The following ATAD3B variants were observed in gnomAD, a reference collection of about 807,000 sequenced individuals.
The protein encoded by ATAD3B is ATPase family AAA domain-containing protein 3B.
Under a neutral mutation model 70.2 loss-of-function variants are expected in ATAD3B, and 59 were observed. The observed-to-expected ratio is 0.84, with a 90% CI of 0.68 to 1.04. The LOEUF is 1.04. ATAD3B is among the 50% of genes least tolerant of loss of function. The pLI, the probability that ATAD3B is intolerant of heterozygous loss-of-function variation, is 0.00. For missense variants in ATAD3B, 961 were observed against 913.4 expected (o/e 1.05, Z -0.67); for synonymous variants, 423 against 388.6 (o/e 1.09, Z -1.04).
At chr1:1,476,946 A>G (rs1639624118) in intron 1 of ATAD3B, among the ~76,000 whole-genome samples, 1 of 151,998 alleles carries the variant, frequency 6.6e-6, no homozygotes, top group South Asian at 2.1e-4. Context: ...AGCTGAGATC[A>G]CAGGCGTGCA....
At chr1:1,490,113 G>C (rs549105780) in intron 13 of ATAD3B, 144 bp from the exon 14 acceptor site, 1 of 1,441,820 alleles carries the variant, frequency 6.9e-7, no homozygotes, top group South Asian at 1.5e-5. Context: ...CTGTGGCTGC[G>C]TTCTCCCCAT....
intron 1 of ATAD3B, among the ~76,000 whole-genome samples, chr1:1,477,008 T>C (rs535354940): frequency 6.6e-6 from 1 of 152,074 alleles, no homozygotes; most frequent in South Asian, 2.1e-4. Flanking sequence ...GATTTCGCCA[T>C]GTTGGCCAGG....
chr1:1,485,273 C>G, intron 8 of ATAD3B, 102 bp downstream of exon 8: 1 of 1,517,682 alleles, frequency 6.6e-7, no homozygotes, highest in Non-Finnish European at 8.9e-7. Context: ...TTCCCTTTCC[C>G]CGGATAACAG....
At chr1:1,481,906 C>T (rs1382937743) in intron 5 of ATAD3B, among the ~76,000 whole-genome samples, 10 of 151,450 alleles carry the variant, frequency 6.6e-5, no homozygotes, top group Admixed American at 1.3e-4. Flanking sequence ...CTGTTGGTGG[C>T]GTGGGCCGGT....
chr1:1,480,950 T>C lies in ATAD3B; in HGVS notation c.514+14T>C, dbSNP rs1293902650. On this transcript the variant is annotated intron_variant, in intron 5 of 15. Coordinates refer to ENST00000673477, the MANE Select transcript of ATAD3B (RefSeq NM_031921.6). ...CCATGCGGCGAGGTAGGCTGTCTGCTCTCCTGGCTGGGGCGGAGGTGGCGG... is the reference window on the plus strand; with the variant it reads ...CCATGCGGCGAGGTAGGCTGTCTGCCCTCCTGGCTGGGGCGGAGGTGGCGG... The C allele has an allele frequency of 3.1e-6, 5 of 1,589,352 alleles. 1 individual carries two copies. Among genetic ancestry groups the C allele is most frequent in the Non-Finnish European group, 4.3e-6 (5 of 1,171,188 alleles).
At chr1:1,486,763 C>G in intron 11 of ATAD3B, 95 bp downstream of exon 11, 1 of 1,483,480 alleles carries the variant, frequency 6.7e-7, no homozygotes, top group Non-Finnish European at 9.0e-7. Flanking sequence ...GGGACCCTGT[C>G]TTTCTGCAGC....
chr1:1,486,749 C>A lies in ATAD3B; in HGVS notation c.1214+81C>A, dbSNP rs993747880. On this transcript the variant is annotated intron_variant, in intron 11 of 15. Coordinates refer to ENST00000673477, the MANE Select transcript of ATAD3B (RefSeq NM_031921.6). ...TTCTGGGAAGGGGGTCCAGGTGTCT[C>A]TTGGGGACCCTGTCTTTCTGCAGCT... The A allele has an allele frequency of 1.7e-4, 252 of 1,482,048 alleles. 3 individuals are homozygous for A. Among genetic ancestry groups the A allele is most frequent in the Non-Finnish European group, 2.1e-4 (236 of 1,110,398 alleles). 91.8% of individuals were successfully genotyped at this position (1,482,048 alleles called of 1,614,324 possible). A position where few individuals can be genotyped will look rare whatever the true frequency, so the allele number is the denominator to read the frequency against.
At chr1:1,491,598 C>T (rs1168885283) in intron 15 of ATAD3B, among the ~76,000 whole-genome samples, 4 of 151,942 alleles carry the variant, frequency 2.6e-5, no homozygotes, top group African/African-American at 7.2e-5. Context: ...GGGTAGAAGG[C>T]GCCCTGGCCA....
rs1170798065 is a variant in ATAD3B at position 1,480,043 on chromosome 1, C to T, written c.445-824C>T. Among the ~76,000 whole-genome samples, 8 of 146,274 alleles carry T rather than the reference C, an allele frequency of 5.5e-5. 2 individuals carry two copies. Among genetic ancestry groups the T allele is most frequent in the Non-Finnish European group, 1.2e-4 (8 of 66,724 alleles). Reference sequence around the variant, plus strand: ...ACATACACAACCCAGGCACACACCCCCTTGCACAGACGGGCACGCACACAG... The same window carrying T: ...ACATACACAACCCAGGCACACACCCTCTTGCACAGACGGGCACGCACACAG... On this transcript the variant is annotated intron_variant, in intron 4 of 15. Coordinates refer to ENST00000673477, the MANE Select transcript of ATAD3B (RefSeq NM_031921.6).
intron 4 of ATAD3B, among the ~76,000 whole-genome samples, chr1:1,479,466 A>G (rs1485162253): frequency 7.2e-6 from 1 of 139,778 alleles, no homozygotes; most frequent in African/African-American, 2.7e-5. Context: ...GGGCCCACAC[A>G]CACACACCCC....
At chr1:1,490,193 CCGTTGCCCT>C in intron 13 of ATAD3B, 55 bp from the exon 14 acceptor site, 1 of 1,580,510 alleles carries the variant, frequency 6.3e-7, no homozygotes, top group South Asian at 1.2e-5. Flanking sequence ...TGAGGAGCCC[CCGTTGCCCT>C]CGGGGCATCT....
chr1:1,500,724 C>T (rs1336006549), downstream of ATAD3B, among the ~76,000 whole-genome samples: 11 of 151,384 alleles, frequency 7.3e-5, no homozygotes, highest in East Asian at 2.0e-4. Context: ...GAGGCCGAGG[C>T]GGGCGGATCA....
chr1:1,476,382 T>C (rs2100525572), intron 1 of ATAD3B, among the ~76,000 whole-genome samples: 2 of 150,870 alleles, frequency 1.3e-5, no homozygotes, highest in South Asian at 4.2e-4. Flanking sequence ...GTTAGTGACG[T>C]GTTTGCTGCA....
chr1:1,485,422 T>C (rs1374985332), intron 8 of ATAD3B, among the ~76,000 whole-genome samples: 1 of 151,630 alleles, frequency 6.6e-6, no homozygotes, highest in Non-Finnish European at 1.5e-5. Context: ...CACATCGGGG[T>C]CCTTGCAAGA....
downstream of ATAD3B, among the ~76,000 whole-genome samples, chr1:1,498,696 C>A (rs1410034733): frequency 1.3e-5 from 2 of 151,164 alleles, no homozygotes; most frequent in Non-Finnish European, 2.9e-5. Context: ...GCCTGAGGCA[C>A]CGCGCCCGGC....
intron 1 of ATAD3B, among the ~76,000 whole-genome samples, chr1:1,473,305 A>G (rs1276390255): frequency 6.6e-6 from 1 of 150,492 alleles, no homozygotes. Context: ...ACGCCCGGCT[A>G]ATTTTGTAGA....
chr1:1,487,767 A>T (rs980821130), intron 11 of ATAD3B, 96 bp from the exon 12 acceptor site: 1 of 1,460,494 alleles, frequency 6.8e-7, no homozygotes, highest in Non-Finnish European at 9.6e-7. Flanking sequence ...CCCCGTGGGG[A>T]TCTGCCTGCC....
At position 1,482,247 on chromosome 1, in the gene ATAD3B, C is replaced by T. The variant is rs757965767; in HGVS notation, c.624C>T (p.Arg208=). The change falls in exon 6 of 16, where the codon CGC becomes CGT. Residue 208 remains arginine, a synonymous_variant. Transcript: ENST00000673477. ...KAERENADII[R]EQIRLKASEH... is the part of the protein sequence containing the mutation. Reference sequence around the variant, plus strand: ...AGCGGGAGAATGCAGACATCATCCGCGAGCAGATCCGCCTGAAGGCGTCCG... The same window carrying T: ...AGCGGGAGAATGCAGACATCATCCGTGAGCAGATCCGCCTGAAGGCGTCCG... 2.7e-5 allele frequency: 44 copies of T among 1,611,378 alleles called. 1 individual carries two copies. The highest frequency in any genetic ancestry group is 1.1e-4 in the East Asian group (5 of 44,872).
At chr1:1,489,477 T>C in intron 13 of ATAD3B, 5 of 1,087,826 alleles carry the variant, frequency 4.6e-6, no homozygotes, top group South Asian at 1.6e-5. Flanking sequence ...CGGGCAGAGC[T>C]GGGGTCAGTC....
Sources: gnomAD v4.1 joint callset for allele counts (sites outside exome capture counted in the v4.1 genomes callset) on GRCh38, gnomAD v4.1.1 for gene constraint, MANE v1.5 for transcripts, NCBI Gene and HGNC (gene_info 2026-07-23, HGNC 2026-07-21) for gene names.